MKI67: variants seen among roughly 807,000 people sequenced by gnomAD.
The protein encoded by MKI67 is marker of proliferation Ki-67, also known as proliferation marker protein Ki-67.
MKI67 carries 152 observed loss-of-function variants against 233.5 expected under a neutral mutation model. That is an observed-to-expected ratio of 0.65 (90% CI 0.57 to 0.74). MKI67 has a LOEUF of 0.74. MKI67 is among the 30% of genes least tolerant of loss of function. The probability of loss-of-function intolerance (pLI) is 0.00; values close to 1 mark genes in which losing one functional copy is unlikely to be tolerated. For missense variants in MKI67, 3,940 were observed against 3,885.2 expected (o/e 1.01, Z -0.37); for synonymous variants, 1,465 against 1,418.5 (o/e 1.03, Z -0.74).
Position 128,103,015 on chromosome 10 carries a change from A to T in MKI67, c.8825T>A (p.Phe2942Tyr). The change falls in exon 13 of 15, where the codon TTT becomes TAT. Residue 2942 changes from phenylalanine to tyrosine, a missense_variant. Coordinates refer to ENST00000368654, the MANE Select transcript of MKI67 (RefSeq NM_002417.5). ...EELANGAADS[F>Y]TSAPKQTPDS... ...AGGTGTTTGCTTTGGAGCGCTTGTA[A>T]AGCTATCAGCAGCACCATTTGCCAG... 6.2e-7 allele frequency: 1 copy of T among 1,614,202 alleles called. No homozygotes were observed. The highest frequency in any genetic ancestry group is 8.5e-7 in the Non-Finnish European group (1 of 1,180,024).
intron 8 of MKI67, among the ~76,000 whole-genome samples, chr10:128,112,849 G>A (rs1004519936): frequency 2.0e-5 from 3 of 152,310 alleles, no homozygotes; most frequent in Non-Finnish European, 4.4e-5. Context: ...CTGCTGGGAA[G>A]AGAAGGAAAG....
intron 13 of MKI67, 112 bp downstream of exon 13, chr10:128,102,467 C>G: frequency 7.5e-7 from 1 of 1,334,856 alleles, no homozygotes; most frequent in Non-Finnish European, 1.0e-6. Context: ...TTAAAGGAAA[C>G]CCTCTGGGGA....
Position 128,115,507 on chromosome 10 carries a change from G to A in MKI67, c.901C>T (p.His301Tyr). ...GGTGAAGCAGGCTCTGCCACAGCGTGGCCGCTCCCACCAGATTTTGGTCTT... is the reference window on the plus strand; with the variant it reads ...GGTGAAGCAGGCTCTGCCACAGCGTAGCCGCTCCCACCAGATTTTGGTCTT... ...KSRPKSGGSG[H>Y]AVAEPASPEQ... Residue 301 changes from histidine to tyrosine, a missense_variant, in exon 7 of 15, where the codon CAC becomes TAC. By Grantham distance (83) the His-to-Tyr change is moderately conservative. Coordinates refer to ENST00000368654, the MANE Select transcript of MKI67 (RefSeq NM_002417.5). 2.5e-6 allele frequency: 4 copies of A among 1,614,174 alleles called. No homozygotes were observed. Among genetic ancestry groups the A allele is most frequent in the Non-Finnish European group, 3.4e-6 (4 of 1,180,028 alleles).
At chr10:128,101,123 C>T in intron 14 of MKI67, 135 bp downstream of exon 14, 1 of 783,824 alleles carries the variant, frequency 1.3e-6, no homozygotes, top group East Asian at 2.6e-5. Context: ...GCATAATGCT[C>T]CTTCCATTAA....
intron 2 of MKI67, among the ~76,000 whole-genome samples, chr10:128,123,946 C>A (rs1346358736): frequency 6.6e-6 from 1 of 152,166 alleles, no homozygotes; most frequent in East Asian, 1.9e-4. Context: ...CTTCAGTGTT[C>A]CTGTTCTAGC....
In MKI67 at chr10:128,103,570, G is replaced by T; in HGVS notation, c.8270C>A (p.Ala2757Glu). The T allele has an allele frequency of 6.2e-7, 1 of 1,614,056 alleles. No individual in the cohort carries two copies. The highest frequency in any genetic ancestry group is 8.5e-7 in the Non-Finnish European group (1 of 1,180,020). The change falls in exon 13 of 15, where the codon GCA becomes GAA. Residue 2757 changes from alanine to glutamate, a missense_variant. Transcript: ENST00000368654. Reference protein sequence around the residue: ...GETTDADKEPAGEDKGIKALK... With the variant: ...GETTDADKEPEGEDKGIKALK... ...TGCTTTGATGCCTTTATCTTCACCT[G>T]CTGGTTCTTTGTCTGCATCCGTGGT...
chr10:128,116,391 G>C (rs1279214018), intron 6 of MKI67, 100 bp downstream of exon 6: 5 of 1,059,998 alleles, frequency 4.7e-6, no homozygotes, highest in Non-Finnish European at 7.3e-6. Flanking sequence ...TGACAGGCTA[G>C]ACATTTAGCA....
Position 128,106,578 on chromosome 10 carries a change from C to T in MKI67, c.5262G>A (p.Gln1754=), listed in dbSNP as rs1852502990. ...LVDTPTSSKP[Q]PKRSLRKADT... is the part of the protein sequence containing the mutation. Reference sequence around the variant, plus strand: ...CTGCTTTCCTGAGACTTCTCTTGGGCTGTGGCTTGGAGCTTGTTGGGGTGT... The same window carrying T: ...CTGCTTTCCTGAGACTTCTCTTGGGTTGTGGCTTGGAGCTTGTTGGGGTGT... Residue 1754 remains glutamine (Q), a synonymous_variant, in exon 13 of 15, where the codon CAG becomes CAA. Coordinates refer to ENST00000368654, the MANE Select transcript of MKI67 (RefSeq NM_002417.5). The T allele has an allele frequency of 3.7e-6, 6 of 1,614,158 alleles. No homozygotes were observed. The East Asian group carries it at 1.3e-4, about 36-fold the overall frequency.
At chr10:128,110,237 A>C (rs1304683957) in intron 12 of MKI67, 141 bp downstream of exon 12, 2 of 594,636 alleles carry the variant, frequency 3.4e-6, no homozygotes, top group East Asian at 6.1e-5. Flanking sequence ...TCTCCCTTTC[A>C]ATTAGAACAG....
chr10:128,118,119 T>A (rs896669702), intron 5 of MKI67, among the ~76,000 whole-genome samples: 3 of 152,196 alleles, frequency 2.0e-5, no homozygotes, highest in Admixed American at 2.0e-4. Flanking sequence ...AGAAATGGAC[T>A]GGGCATGGTG....
chr10:128,114,350 A>G (rs952315220), intron 7 of MKI67, among the ~76,000 whole-genome samples: 1 of 152,132 alleles, frequency 6.6e-6, no homozygotes, highest in African/African-American at 2.4e-5. Flanking sequence ...GCGTTTCCTC[A>G]TGTGTGACAT....
chr10:128,102,611 G>A lies in MKI67; in HGVS notation c.9229C>T (p.His3077Tyr), dbSNP rs1158274135. Residue 3077 changes from histidine (H) to tyrosine (Y), a missense_variant, in exon 13 of 15, where the codon CAC becomes TAC. By Grantham distance (83) the His-to-Tyr change is moderately conservative (BLOSUM62 2). Coordinates refer to ENST00000368654, the MANE Select transcript of MKI67 (RefSeq NM_002417.5). ...TCAGGGACCGAGTCTTGTAATTTGT[G>A]TTCCTCTTTGTTGGTTTTCATGTCG... ...SNDMKTNKEE[H>Y]KLQDSVPENK... The A allele has an allele frequency of 8.1e-6, 13 of 1,613,922 alleles. No homozygotes were observed. Among genetic ancestry groups the A allele is most frequent in the Non-Finnish European group, 1.1e-5 (13 of 1,179,922 alleles).
chr10:128,104,690 C>T lies in MKI67; in HGVS notation c.7150G>A (p.Gly2384Ser). 1 of 1,613,870 alleles carries T rather than the reference C, an allele frequency of 6.2e-7. No homozygotes were observed. Among genetic ancestry groups the T allele is most frequent in the Non-Finnish European group, 8.5e-7 (1 of 1,180,010 alleles). ...GGTTTTGGTGTGTCCATGGCTTTGC[C>T]TGCTGATGGTGTTCGTTTCCTGAGT... The part of the protein sequence containing the change: ...LALRKRTPSA[G>S]KAMDTPKPAV... Residue 2384 changes from glycine to serine, a missense_variant, in exon 13 of 15, where the codon GGC becomes AGC. Gly to Ser is a moderately conservative substitution (Grantham distance 56). Transcript: ENST00000368654.
At chr10:128,111,561 TAAAC>T (rs749412375) in intron 11 of MKI67, 80 bp downstream of exon 11, 6 of 1,128,994 alleles carry the variant, frequency 5.3e-6, no homozygotes, top group African/African-American at 3.1e-5. Flanking sequence ...TCACAGCAGA[TAAAC>T]AAAGTTAGCA....
chr10:128,115,402 T>G lies in MKI67; in HGVS notation c.1006A>C (p.Ser336Arg). The change falls in exon 7 of 15, where the codon AGC becomes CGC. Residue 336 changes from serine (S) to arginine (R), a missense_variant. Transcript: ENST00000368654. ...VQTPSKAVGA[S>R]FPLYEPAKMK... ...TTAGCCGGCTCATAGAGAGGAAAGC[T>G]GGCGCCCACAGCCTTGCTGGGAGTC... The G allele has an allele frequency of 6.2e-7, 1 of 1,614,208 alleles. No individual in the cohort carries two copies. Among genetic ancestry groups the G allele is most frequent in the Non-Finnish European group, 8.5e-7 (1 of 1,180,026 alleles).
chr10:128,108,598 C>G lies in MKI67; in HGVS notation c.3242G>C (p.Arg1081Pro). 6.2e-7 allele frequency: 1 copy of G among 1,614,180 alleles called. No individual in the cohort carries two copies. Among genetic ancestry groups the G allele is most frequent in the Non-Finnish European group, 8.5e-7 (1 of 1,180,028 alleles). Residue 1081 changes from arginine to proline, a missense_variant, in exon 13 of 15, where the codon CGT becomes CCT. Physicochemically the swap from Arg to Pro is moderately radical, Grantham distance 103. Transcript: ENST00000368654. ...TGGCCACTTCTTCATTCCAGTTACACGGGCTGCTGGGTCCAGGATCTGCTT... is the reference window on the plus strand; with the variant it reads ...TGGCCACTTCTTCATTCCAGTTACAGGGGCTGCTGGGTCCAGGATCTGCTT... ...SPKQILDPAA[R>P]VTGMKKWPRT...
rs1398767584 is a variant in MKI67 at position 128,111,747 on chromosome 10, CTAT to C, written c.2155_2157del (p.Ile719del). 6.2e-6 allele frequency: 10 copies of C among 1,614,170 alleles called. No homozygotes were observed. Among genetic ancestry groups the C allele is most frequent in the Admixed American group, 1.7e-5 (1 of 60,022 alleles). ...TGTACTTTTTCAGTATGAGCTTTCC[CTAT>C]TATTATGGTACAAGGAGAGTTTGCG... On this transcript the variant is annotated inframe_deletion, in exon 11 of 15. Coordinates refer to ENST00000368654, the MANE Select transcript of MKI67 (RefSeq NM_002417.5).
chr10:128,126,304 T>A lies in MKI67; in HGVS notation c.-295A>T, dbSNP rs151328961. On this transcript the variant is annotated 5_prime_UTR_variant, in exon 1 of 15. Transcript: ENST00000368654. ...TCCCCGCTGCTCCCGCCGCCGCCTC[T>A]GACGGGGACCCGGTGGCCCTACAGG... The A allele has an allele frequency of 0.018, 2,675 of 152,844 alleles. 46 individuals carry two copies. Among genetic ancestry groups the A allele is most frequent in the Non-Finnish European group, 0.025 (1,706 of 68,446 alleles). 9.5% of individuals were successfully genotyped at this position (152,844 alleles called of 1,614,324 possible).
chr10:128,108,893 G>C lies in MKI67; in HGVS notation c.2947C>G (p.Gln983Glu). 6.2e-7 allele frequency: 1 copy of C among 1,614,170 alleles called. No homozygotes were observed. Among genetic ancestry groups the C allele is most frequent in the Non-Finnish European group, 8.5e-7 (1 of 1,180,044 alleles). ...TGATCTTGGGTTTGGAGGAGATTCT[G>C]GCCACGTGCCGTGTCTTTCATGAGT... is the stretch of plus-strand genomic sequence containing the variant. ...TELMKDTARG[Q>E]NLLQTQDHAK... The change falls in exon 13 of 15, where the codon CAG becomes GAG. Residue 983 changes from glutamine (Q) to glutamate (E), a missense_variant. By Grantham distance (29) the Gln-to-Glu change is conservative. Transcript: ENST00000368654.
Sources: gnomAD v4.1 joint callset for allele counts (sites outside exome capture counted in the v4.1 genomes callset) on GRCh38, gnomAD v4.1.1 for gene constraint, MANE v1.5 for transcripts, NCBI Gene and HGNC (gene_info 2026-07-23, HGNC 2026-07-21) for gene names.